RIMKLB: variants seen among roughly 807,000 people sequenced by gnomAD.
RIMKLB encodes the protein ribosomal modification protein rimK like family member B.
RIMKLB carries 7 observed loss-of-function variants against 32.0 expected under a neutral mutation model. The ratio of observed to expected loss-of-function variants is 0.22; its 90% CI spans 0.12 to 0.41. The LOEUF (loss-of-function observed/expected upper bound fraction) is 0.41. Among genes scored for constraint, RIMKLB ranks in the 10% least tolerant of loss-of-function variants. RIMKLB has a pLI of 1.00. For synonymous variants in RIMKLB, 172 were observed against 185.1 expected (o/e 0.93, Z 0.57); for missense variants, 289 against 498.7 (o/e 0.58, Z 4.00).
intron 1 of RIMKLB, among the ~76,000 whole-genome samples, chr12:8,691,317 T>C (rs1375784520): frequency 3.3e-5 from 5 of 151,610 alleles, no homozygotes; most frequent in Admixed American, 2.0e-4. Flanking sequence ...AAGTTTTTGG[T>C]TTTTGTAGGG....
At chr12:8,705,958 C>T (rs1943838085) in intron 1 of RIMKLB, among the ~76,000 whole-genome samples, 1 of 152,134 alleles carries the variant, frequency 6.6e-6, no homozygotes, top group Non-Finnish European at 1.5e-5. Context: ...GGGTAATTTC[C>T]TTTACTTAAG....
chr12:8,777,424 C>A, downstream of RIMKLB: 12 of 984,946 alleles, frequency 1.2e-5, no homozygotes, highest in Non-Finnish European at 1.4e-5. Context: ...TTCCTTTATA[C>A]CAATGCCATT....
chr12:8,746,297 G>A (rs1761457090), intron 2 of RIMKLB, among the ~76,000 whole-genome samples: 1 of 151,462 alleles, frequency 6.6e-6, no homozygotes, highest in East Asian at 1.9e-4. Context: ...GCAAGTCACT[G>A]CTAACGCCTA....
chr12:8,741,120 T>C (rs1049599044), intron 2 of RIMKLB, among the ~76,000 whole-genome samples: 1 of 151,882 alleles, frequency 6.6e-6, no homozygotes. Context: ...GCAGAAGAAT[T>C]GCTTGAACCC....
chr12:8,719,726 G>A (rs1945250352), intron 2 of RIMKLB, among the ~76,000 whole-genome samples: 1 of 152,096 alleles, frequency 6.6e-6, no homozygotes, highest in South Asian at 2.1e-4. Flanking sequence ...TTAGTAATGT[G>A]GGAGATTCAA....
At chr12:8,671,570 A>C in the RIMKLB span, among the ~76,000 whole-genome samples, 1 of 151,596 alleles carries the variant, frequency 6.6e-6, no homozygotes, top group Admixed American at 6.6e-5. Context: ...TTTCTATTGC[A>C]CAGTCAGGTT....
chr12:8,708,529 CTTTG>C (rs1944095600), intron 1 of RIMKLB, among the ~76,000 whole-genome samples: 1 of 152,016 alleles, frequency 6.6e-6, no homozygotes, highest in Admixed American at 6.6e-5. Context: ...TGAACTTTTC[CTTTG>C]TTTATTAAGG....
chr12:8,712,781 G>C (rs957304856), intron 1 of RIMKLB, among the ~76,000 whole-genome samples: 11 of 152,220 alleles, frequency 7.2e-5, no homozygotes, highest in African/African-American at 2.7e-4. Context: ...ACCATGTCCA[G>C]CTGCCACTAT....
chr12:8,675,933 G>A, the RIMKLB span, among the ~76,000 whole-genome samples: 4 of 151,902 alleles, frequency 2.6e-5, no homozygotes, highest in African/African-American at 9.7e-5. Flanking sequence ...TGTCCCTGAC[G>A]TCGTTAAATT....
intron 2 of RIMKLB, chr12:8,742,389 T>C: frequency 7.9e-6 from 2 of 252,214 alleles, no homozygotes; most frequent in East Asian, 1.2e-4. Flanking sequence ...GAGGGGTCCA[T>C]GTGGCCTTCT....
At chr12:8,684,401 G>A (rs1942504816) in intron 1 of RIMKLB, among the ~76,000 whole-genome samples, 3 of 152,162 alleles carry the variant, frequency 2.0e-5, no homozygotes, top group African/African-American at 7.2e-5. Context: ...TGGAATTCCT[G>A]AGCTCCAGTG....
intron 2 of RIMKLB, among the ~76,000 whole-genome samples, chr12:8,743,398 A>T (rs1420235475): frequency 3.3e-5 from 5 of 151,434 alleles, no homozygotes; most frequent in Admixed American, 2.6e-4. Context: ...CCTAAAAAAT[A>T]ATCTGGAATG....
intron 5 of RIMKLB, among the ~76,000 whole-genome samples, chr12:8,768,048 C>A (rs1249326215): frequency 6.6e-6 from 1 of 152,160 alleles, no homozygotes; most frequent in Non-Finnish European, 1.5e-5. Context: ...TGTTCTCTGA[C>A]CTGGGGTTCT....
At chr12:8,692,793 T>G (rs1942770521), upstream of RIMKLB, among the ~76,000 whole-genome samples, 1 of 152,176 alleles carries the variant, frequency 6.6e-6, no homozygotes, top group African/African-American at 2.4e-5. Context: ...CAAAGACTGT[T>G]GTCAGGCTGG....
At chr12:8,682,038 G>T (rs1335790329) in intron 1 of RIMKLB, among the ~76,000 whole-genome samples, 2 of 151,876 alleles carry the variant, frequency 1.3e-5, no homozygotes, top group African/African-American at 4.8e-5. Flanking sequence ...TTGGATTGTA[G>T]GACACCCAGC....
chr12:8,742,462 TGGA>T (rs1184424041), intron 2 of RIMKLB: 18 of 400,284 alleles, frequency 4.5e-5, no homozygotes, highest in South Asian at 1.7e-4. Context: ...AAAGAGCACA[TGGA>T]GGAGGAGGAT....
At chr12:8,676,665 C>G (rs1942344931), upstream of RIMKLB, among the ~76,000 whole-genome samples, 1 of 151,900 alleles carries the variant, frequency 6.6e-6, no homozygotes, top group Admixed American at 6.6e-5. Flanking sequence ...TCCCAAAGTG[C>G]TAGGATTACA....
chr12:8,726,709 C>T (rs1312460025), intron 2 of RIMKLB, among the ~76,000 whole-genome samples: 7 of 149,448 alleles, frequency 4.7e-5, no homozygotes, highest in Non-Finnish European at 8.9e-5. Flanking sequence ...TCTATATTTA[C>T]AGTAAATTTT....
intron 5 of RIMKLB, among the ~76,000 whole-genome samples, chr12:8,771,296 G>A (rs1420984334): frequency 6.6e-6 from 1 of 152,018 alleles, no homozygotes; most frequent in Non-Finnish European, 1.5e-5. Flanking sequence ...GACCTCATCT[G>A]GAATGAGGTC....
Sources: allele counts gnomAD v4.1 joint callset (sites outside exome capture counted in the v4.1 genomes callset), GRCh38; gene constraint gnomAD v4.1.1; transcripts MANE v1.5; gene names NCBI Gene and HGNC (gene_info 2026-07-23, HGNC 2026-07-21).